PREX2: variants seen among roughly 807,000 people sequenced by gnomAD.
The protein encoded by PREX2 is phosphatidylinositol 3,4,5-trisphosphate-dependent Rac exchanger 2 protein.
Under a neutral mutation model 203.2 loss-of-function variants are expected in PREX2, and 107 were observed. That is an observed-to-expected ratio of 0.53 (90% CI 0.45 to 0.62). The LOEUF (loss-of-function observed/expected upper bound fraction) is 0.62, where lower values mean the gene tolerates loss of function less well. PREX2 is among the 20% of genes least tolerant of loss of function. The pLI is 0.00. For missense variants in PREX2, 1,777 were observed against 1,955.9 expected (o/e 0.91, Z 1.72); for synonymous variants, 672 against 663.6 (o/e 1.01, Z -0.19).
intron 6 of PREX2, among the ~76,000 whole-genome samples, chr8:68,036,836 G>A (rs1044637364): frequency 5.9e-5 from 9 of 152,078 alleles, no homozygotes; most frequent in East Asian, 1.9e-4. Context: ...CTAGCTACTC[G>A]GGAGGCTGAG....
chr8:67,973,677 T>TC (rs1222004787), intron 1 of PREX2, among the ~76,000 whole-genome samples: 2 of 152,312 alleles, frequency 1.3e-5, no homozygotes, highest in Middle Eastern at 3.4e-3. Flanking sequence ...TCTTAGCACT[T>TC]CAGTGTTATT....
intron 17 of PREX2, among the ~76,000 whole-genome samples, chr8:68,081,075 T>C (rs1262159420): frequency 6.6e-6 from 1 of 152,142 alleles, no homozygotes; most frequent in East Asian, 1.9e-4. Context: ...GGGTATTCTA[T>C]AGCAGCCGTC....
chr8:68,171,491 A>T (rs1030523702), intron 35 of PREX2, among the ~76,000 whole-genome samples: 5 of 151,884 alleles, frequency 3.3e-5, no homozygotes, highest in Non-Finnish European at 2.9e-5. Flanking sequence ...AAAAAAAAAA[A>T]TCGGTAGCTA....
At chr8:68,089,257 C>T (rs1809794193) in intron 19 of PREX2, among the ~76,000 whole-genome samples, 1 of 151,726 alleles carries the variant, frequency 6.6e-6, no homozygotes, top group South Asian at 2.1e-4. Context: ...TCCCAATTGA[C>T]TGTCTTCTAC....
chr8:68,200,179 C>T (rs947951129), intron 37 of PREX2, among the ~76,000 whole-genome samples: 3 of 152,002 alleles, frequency 2.0e-5, no homozygotes, highest in African/African-American at 7.3e-5. Flanking sequence ...TAGCTTATGA[C>T]CCAAGGATAT....
intron 29 of PREX2, among the ~76,000 whole-genome samples, 162 bp from the exon 30 acceptor site, chr8:68,120,759 T>C (rs1013118325): frequency 1.3e-5 from 2 of 152,160 alleles, no homozygotes; most frequent in Non-Finnish European, 2.9e-5. Context: ...ACATGAAGGT[T>C]TGACTTTTTA....
intron 38 of PREX2, chr8:68,220,135 A>G (rs993761425): frequency 6.6e-6 from 1 of 151,882 alleles, no homozygotes; most frequent in Non-Finnish European, 1.5e-5. Flanking sequence ...GGCATGATTT[A>G]TTGTTCTTAT....
chr8:67,976,669 CAGAG>C lies in PREX2; in HGVS notation c.141+24142_141+24145del, dbSNP rs1189513790. 9.0e-5 allele frequency among the ~76,000 whole-genome samples: 5 copies of C among 55,284 alleles called. 1 individual carries two copies. In the East Asian group the frequency reaches 3.6e-3, roughly 40 times the overall value. 36.3% of individuals were successfully genotyped at this position (55,284 alleles called of 152,430 possible). On this transcript the variant is annotated intron_variant, in intron 1 of 39. Transcript: ENST00000288368. ...CAGAGAGAGAGAGACGGGAGAGAGA[CAGAG>C]AGAGAGACAGGAGAGAGACAGAGAG... is the stretch of plus-strand genomic sequence containing the variant.
At chr8:68,055,784 A>G in intron 9 of PREX2, 46 bp from the exon 10 acceptor site, 3 of 1,563,574 alleles carry the variant, frequency 1.9e-6, no homozygotes, top group East Asian at 2.2e-5. Flanking sequence ...GAATGAATGA[A>G]TGAAGAGAAT....
chr8:68,107,964 C>A (rs929071829), intron 23 of PREX2, 145 bp from the exon 24 acceptor site: 4 of 603,450 alleles, frequency 6.6e-6, no homozygotes, highest in Non-Finnish European at 1.2e-5. Context: ...AATGGAATTT[C>A]TAACAACATA....
At chr8:67,976,291 C>T (rs1405606895) in intron 1 of PREX2, among the ~76,000 whole-genome samples, 1 of 152,110 alleles carries the variant, frequency 6.6e-6, no homozygotes, top group East Asian at 1.9e-4. Flanking sequence ...AGATAGCTGC[C>T]ATAGAAGCAG....
chr8:68,095,091 G>A (rs1013658239), intron 21 of PREX2: 1 of 152,248 alleles, frequency 6.6e-6, no homozygotes, highest in African/African-American at 2.4e-5. Flanking sequence ...GTAGTGGGAA[G>A]CTCTGTGAGG....
intron 35 of PREX2, among the ~76,000 whole-genome samples, chr8:68,179,271 A>G (rs1281071943): frequency 6.6e-6 from 1 of 152,116 alleles, no homozygotes; most frequent in East Asian, 1.9e-4. Context: ...TCTCACTTAC[A>G]ATTTCTTTAC....
chr8:68,112,656 T>C (rs1810558068), intron 25 of PREX2, among the ~76,000 whole-genome samples: 1 of 152,180 alleles, frequency 6.6e-6, no homozygotes, highest in Admixed American at 6.5e-5. Flanking sequence ...CTTATTTCAT[T>C]CTCACAGTAC....
chr8:68,218,334 C>T (rs779848421), intron 38 of PREX2, among the ~76,000 whole-genome samples: 27 of 152,214 alleles, frequency 1.8e-4, no homozygotes, highest in Non-Finnish European at 2.6e-4. Flanking sequence ...CTAAGTGTGG[C>T]GGTTTAGTTT....
intron 1 of PREX2, among the ~76,000 whole-genome samples, chr8:67,998,780 A>G (rs4452785): frequency 0.57 from 87,286 of 152,020 alleles, 25,351 homozygotes; most frequent in South Asian, 0.66. Flanking sequence ...TAAAACAAAA[A>G]CAAACAAACA....
At chr8:67,961,007 T>A (rs1024732359) in intron 1 of PREX2, among the ~76,000 whole-genome samples, 2 of 150,878 alleles carry the variant, frequency 1.3e-5, no homozygotes, top group Admixed American at 6.6e-5. Context: ...AACCATTTTT[T>A]AAACCATGGT....
chr8:68,019,225 C>T (rs1807492508), intron 2 of PREX2, among the ~76,000 whole-genome samples: 1 of 152,248 alleles, frequency 6.6e-6, no homozygotes, highest in Non-Finnish European at 1.5e-5. Flanking sequence ...GTATGCCCTT[C>T]TTAGGAGCAT....
intron 1 of PREX2, among the ~76,000 whole-genome samples, chr8:67,975,871 T>C (rs1326278652): frequency 1.8e-5 from 1 of 56,350 alleles, no homozygotes; most frequent in Non-Finnish European, 3.9e-5. Context: ...GCCCGGCTAA[T>C]TTTTTTTTTT....
Sources: allele counts gnomAD v4.1 joint callset (sites outside exome capture counted in the v4.1 genomes callset), GRCh38; gene constraint gnomAD v4.1.1; transcripts MANE v1.5; gene names NCBI Gene and HGNC (gene_info 2026-07-23, HGNC 2026-07-21).